Variants in TUFT1 observed in about 807,000 individuals in gnomAD.
TUFT1 encodes the protein tuftelin 1, also known as tuftelin.
TUFT1 carries 43 observed loss-of-function variants against 57.8 expected under a neutral mutation model. That is an observed-to-expected ratio of 0.74 (90% CI 0.58 to 0.96). TUFT1 has a LOEUF of 0.96. TUFT1 is among the 40% of genes least tolerant of loss of function. The pLI, the probability that TUFT1 is intolerant of heterozygous loss-of-function variation, is 0.00. For missense variants in TUFT1, 459 were observed against 489.0 expected, an observed-to-expected ratio of 0.94 and a Z score of 0.58; for synonymous variants, 166 against 176.7, an observed-to-expected ratio of 0.94 and a Z score of 0.48.
chr1:151,548,868 C>T (rs1224152294), intron 1 of TUFT1, among the ~76,000 whole-genome samples: 3 of 152,190 alleles, frequency 2.0e-5, no homozygotes, highest in Non-Finnish European at 4.4e-5. Flanking sequence ...TGGGGGAACG[C>T]AGGCTTTTCC....
At chr1:151,567,206 T>C (rs959025610) in intron 6 of TUFT1, among the ~76,000 whole-genome samples, 4 of 151,878 alleles carry the variant, frequency 2.6e-5, no homozygotes, top group Admixed American at 2.0e-4. Context: ...AGCCTACTTT[T>C]TAAATTTTTA....
At chr1:151,549,429 G>T (rs968106009) in intron 1 of TUFT1, among the ~76,000 whole-genome samples, 4 of 152,162 alleles carry the variant, frequency 2.6e-5, no homozygotes, top group African/African-American at 9.7e-5. Flanking sequence ...GCCAGAGAGA[G>T]CCCTAAGTTT....
Position 151,582,571 on chromosome 1 carries a change from A to G in TUFT1, c.*864A>G. The G allele has an allele frequency of 4.7e-6, 1 of 213,010 alleles. No homozygotes were observed. The highest frequency in any genetic ancestry group is 7.8e-5 in the South Asian group (1 of 12,812). 13.2% of individuals were successfully genotyped at this position (213,010 alleles called of 1,614,324 possible). ...TTGGTGGTTTTGCTTACATCTCATG[A>G]TTGATATAATACCAAAGTTCTATAG... is the stretch of plus-strand genomic sequence containing the variant. On this transcript the variant is annotated 3_prime_UTR_variant, in exon 13 of 13. Transcript: ENST00000368849.
intron 12 of TUFT1, 40 bp downstream of exon 12, chr1:151,581,082 G>A: frequency 2.5e-6 from 4 of 1,576,020 alleles, no homozygotes; most frequent in Non-Finnish European, 2.6e-6. Context: ...CCAGGGAGGA[G>A]GGGAGAAGGA....
At chr1:151,554,194 A>G (rs1665598890) in intron 1 of TUFT1, among the ~76,000 whole-genome samples, 1 of 152,214 alleles carries the variant, frequency 6.6e-6, no homozygotes, top group African/African-American at 2.4e-5. Context: ...TAATGTTGGT[A>G]CAATGCTGTT....
In TUFT1 at chr1:151,569,688, G is replaced by A. The variant is rs141917440; in HGVS notation, c.512G>A (p.Ser171Asn). ...VDTCINEDVE[S>N]LRKTVQDLLA... Reference sequence around the variant, plus strand: ...ACCTGTATAAATGAGGATGTTGAGAGCTTGAGGAAGACGGTGCAGGACTTG... The same window carrying A: ...ACCTGTATAAATGAGGATGTTGAGAACTTGAGGAAGACGGTGCAGGACTTG... The change falls in exon 7 of 13, where the codon AGC becomes AAC. Residue 171 changes from serine (S) to asparagine (N), a missense_variant. Transcript: ENST00000368849. 2.5e-6 allele frequency: 4 copies of A among 1,613,880 alleles called. No homozygotes were observed. The highest frequency in any genetic ancestry group is 2.7e-5 in the African/African-American group (2 of 74,900).
Position 151,564,398 on chromosome 1 carries a change from C to A in TUFT1, c.325-127C>A, listed in dbSNP as rs1432316576. The A allele has an allele frequency of 8.9e-6, 6 of 670,402 alleles. No homozygotes were observed. In the African/African-American group the frequency reaches 1.1e-4, roughly 12 times the overall value. The allele number at this position is 670,402 out of a possible 1,614,324, so 41.5% of individuals were successfully genotyped here. A position where few individuals can be genotyped will look rare whatever the true frequency, so the allele number is the denominator to read the frequency against. On this transcript the variant is annotated intron_variant, in intron 4 of 12. Coordinates refer to ENST00000368849, the MANE Select transcript of TUFT1 (RefSeq NM_020127.3). ...ACTTGACCAAGGTCCCTCCCTCCAT[C>A]CTGCAGCCAGTCGTTAGGACAGTGC...
At chr1:151,544,169 T>C (rs550492225) in intron 1 of TUFT1, among the ~76,000 whole-genome samples, 2 of 152,030 alleles carry the variant, frequency 1.3e-5, no homozygotes, top group Non-Finnish European at 2.9e-5. Flanking sequence ...TTCGTAGATA[T>C]GGGTTCTCAC....
Position 151,549,676 on chromosome 1 carries a change from G to A in TUFT1, c.60+9250G>A, listed in dbSNP as rs954091875. Among the ~76,000 whole-genome samples the A allele has an allele frequency of 5.3e-5, 8 of 152,214 alleles. No individual in the cohort carries two copies. The South Asian group carries it at 6.2e-4, about 12-fold the overall frequency. On this transcript the variant is annotated intron_variant, in intron 1 of 12. Transcript: ENST00000368849. ...AGAGAGATTAAGTGATTTGCTCAAG[G>A]ATTAATGGTCATCAATCAGGACTCA...
At chr1:151,559,755 C>T (rs1665822443) in intron 1 of TUFT1, among the ~76,000 whole-genome samples, 1 of 152,098 alleles carries the variant, frequency 6.6e-6, no homozygotes, top group South Asian at 2.1e-4. Flanking sequence ...TTCAGTGCCA[C>T]CCTCCTGTGT....
chr1:151,548,719 T>G (rs1373511371), intron 1 of TUFT1, among the ~76,000 whole-genome samples: 1 of 152,174 alleles, frequency 6.6e-6, no homozygotes, highest in Non-Finnish European at 1.5e-5. Context: ...AAGAGTGGGA[T>G]ACAGGGTGAA....
chr1:151,568,265 AACTC>A (rs1666144105), intron 6 of TUFT1, among the ~76,000 whole-genome samples: 1 of 152,138 alleles, frequency 6.6e-6, no homozygotes, highest in Non-Finnish European at 1.5e-5. Context: ...CTGCAAGAGA[AACTC>A]ACTCTAATGA....
In TUFT1 at chr1:151,557,302, ATAT is replaced by A. The variant is rs149942788; in HGVS notation, c.61-4785_61-4783del. ...ATGATACTAAATATTTAATAGTATA[ATAT>A]TATCATATTTAAATATTTTCTCTGC... is the stretch of plus-strand genomic sequence containing the variant. On this transcript the variant is annotated intron_variant, in intron 1 of 12. Transcript: ENST00000368849. 2,510 of 475,476 alleles carry A rather than the reference ATAT, an allele frequency of 5.3e-3. 53 individuals carry two copies. The highest frequency in any genetic ancestry group is 0.043 in the African/African-American group (2,201 of 51,478). 29.5% of individuals were successfully genotyped at this position (475,476 alleles called of 1,614,324 possible). A position where few individuals can be genotyped will look rare whatever the true frequency, so the allele number is the denominator to read the frequency against.
chr1:151,579,237 G>A (rs765920805), intron 10 of TUFT1, among the ~76,000 whole-genome samples: 7 of 152,148 alleles, frequency 4.6e-5, no homozygotes, highest in Admixed American at 3.9e-4. Context: ...TGTTTTGAGA[G>A]CCTAAGGCCC....
chr1:151,543,120 C>T (rs562406888), intron 1 of TUFT1, among the ~76,000 whole-genome samples: 2 of 152,264 alleles, frequency 1.3e-5, no homozygotes, highest in African/African-American at 4.8e-5. Flanking sequence ...AGGGCCAATA[C>T]ACTCTCTGGG....
rs971374689 is a variant in TUFT1 at position 151,575,059 on chromosome 1, A to T, written c.818+54A>T. 7.5e-6 allele frequency: 11 copies of T among 1,471,260 alleles called. No individual in the cohort carries two copies. In the African/African-American group the frequency reaches 1.5e-4, roughly 21 times the overall value. The allele number at this position is 1,471,260 out of a possible 1,614,324, so 91.1% of individuals were successfully genotyped here. A position where few individuals can be genotyped will look rare whatever the true frequency, so the allele number is the denominator to read the frequency against. Reference sequence around the variant, plus strand: ...AGTTGGGTTGCAGGGAGGGGAGGGCAGGCCATACAGCCTGTTGCTCCTGTG... The same window carrying T: ...AGTTGGGTTGCAGGGAGGGGAGGGCTGGCCATACAGCCTGTTGCTCCTGTG... On this transcript the variant is annotated intron_variant, in intron 9 of 12. Coordinates refer to ENST00000368849, the MANE Select transcript of TUFT1 (RefSeq NM_020127.3).
chr1:151,576,709 T>G (rs1666474521), intron 9 of TUFT1, among the ~76,000 whole-genome samples: 1 of 152,140 alleles, frequency 6.6e-6, no homozygotes. Context: ...CTCGGCTCAC[T>G]GCAACCTCCG....
intron 1 of TUFT1, among the ~76,000 whole-genome samples, chr1:151,553,847 A>G (rs1385791979): frequency 1.3e-5 from 2 of 151,742 alleles, no homozygotes; most frequent in African/African-American, 4.8e-5. Flanking sequence ...CATGTTAGTC[A>G]TTCTGATAGG....
chr1:151,541,050 G>A (rs906910498), intron 1 of TUFT1: 1 of 152,316 alleles, frequency 6.6e-6, no homozygotes, highest in Non-Finnish European at 1.5e-5. Flanking sequence ...CTCTTGTCTT[G>A]GATTTCTCCT....
Sources: allele counts gnomAD v4.1 joint callset (sites outside exome capture counted in the v4.1 genomes callset), GRCh38; gene constraint gnomAD v4.1.1; transcripts MANE v1.5; gene names NCBI Gene and HGNC (gene_info 2026-07-23, HGNC 2026-07-21).